The following KCNQ5 variants were observed in gnomAD, a reference collection of about 807,000 sequenced individuals.
KCNQ5 encodes potassium voltage-gated channel subfamily Q member 5.
A neutral mutation model predicts 98.2 loss-of-function variants in KCNQ5; 30 were observed. The ratio of observed to expected loss-of-function variants is 0.31; its 90% CI spans 0.23 to 0.41. The LOEUF is 0.41. Ranked by LOEUF, KCNQ5 falls within the 10% of genes least tolerant of loss-of-function variation. KCNQ5 has a pLI of 1.00. For missense variants in KCNQ5, 835 were observed against 1,182.5 expected (o/e 0.71, Z 4.31); for synonymous variants, 458 against 449.4 (o/e 1.02, Z -0.24).
chr6:72,712,522 C>T (rs1041428765), intron 1 of KCNQ5, among the ~76,000 whole-genome samples: 25 of 152,068 alleles, frequency 1.6e-4, no homozygotes. Context: ...TAAGATTTAC[C>T]TCAGTTAATA....
chr6:72,691,895 T>C (rs949555099), intron 1 of KCNQ5, among the ~76,000 whole-genome samples: 3 of 152,226 alleles, frequency 2.0e-5, no homozygotes, highest in Non-Finnish European at 4.4e-5. Context: ...ATAAATATTT[T>C]GTGTCAGTAG....
At chr6:73,139,545 G>C (rs182851056) in intron 10 of KCNQ5, among the ~76,000 whole-genome samples, 31 of 152,146 alleles carry the variant, frequency 2.0e-4, no homozygotes, top group African/African-American at 7.5e-4. Context: ...TGTCATTTCT[G>C]TTCCTCTAAA....
At chr6:72,639,574 C>T (rs1180414058) in intron 1 of KCNQ5, among the ~76,000 whole-genome samples, 1 of 152,010 alleles carries the variant, frequency 6.6e-6, no homozygotes, top group African/African-American at 2.4e-5. Flanking sequence ...GATGGGGACT[C>T]CAGAAGAGAG....
At chr6:72,936,972 G>C (rs974179407) in intron 1 of KCNQ5, among the ~76,000 whole-genome samples, 2 of 152,104 alleles carry the variant, frequency 1.3e-5, no homozygotes, top group Non-Finnish European at 2.9e-5. Context: ...TTGCATAATT[G>C]AGATAGAACT....
rs577716517 is a variant in KCNQ5 at position 73,054,312 on chromosome 6, AGAG to A, written c.616+12258_616+12260del. ...TCCTACTGAAACTATTCCAAAAAACAGAGGAGGAGGGACTCCTCCCTAACTATG... is the reference window on the plus strand; with the variant it reads ...TCCTACTGAAACTATTCCAAAAAACAGAGGAGGGACTCCTCCCTAACTATG... On this transcript the variant is annotated intron_variant, in intron 3 of 13. Transcript: ENST00000370398. Among the ~76,000 whole-genome samples, 719 of 152,342 alleles carry A rather than the reference AGAG, an allele frequency of 4.7e-3. 4 individuals are homozygous for A. Among genetic ancestry groups the A allele is most frequent in the Non-Finnish European group, 8.3e-3 (568 of 68,026 alleles).
intron 1 of KCNQ5, among the ~76,000 whole-genome samples, chr6:72,645,963 G>C (rs923284604): frequency 6.6e-6 from 1 of 152,004 alleles, no homozygotes; most frequent in Admixed American, 6.6e-5. Context: ...CTTCCCCCCA[G>C]GTACTTCATG....
intron 2 of KCNQ5, among the ~76,000 whole-genome samples, chr6:73,011,446 T>A (rs1770057578): frequency 6.6e-6 from 1 of 152,112 alleles, no homozygotes; most frequent in Non-Finnish European, 1.5e-5. Context: ...AGAATGAAGC[T>A]GGACCCTTAC....
rs991966248 is a variant in KCNQ5 at position 73,196,031 on chromosome 6, T to C, written c.*617T>C. 1 of 153,066 alleles carries C rather than the reference T, an allele frequency of 6.5e-6. No homozygotes were observed. The highest frequency in any genetic ancestry group is 1.5e-5 in the Non-Finnish European group (1 of 68,430). 9.5% of individuals were successfully genotyped at this position (153,066 alleles called of 1,614,324 possible). ...GCAATTTTGCACATCATTTTCATGT[T>C]GTTCTTTATGACAAGAATGTTCTTC... On this transcript the variant is annotated 3_prime_UTR_variant, in exon 14 of 14. Transcript: ENST00000370398.
chr6:72,815,869 A>T (rs983381260), intron 1 of KCNQ5, among the ~76,000 whole-genome samples: 11 of 152,188 alleles, frequency 7.2e-5, no homozygotes, highest in African/African-American at 2.7e-4. Flanking sequence ...GAAAGATGAC[A>T]AGTTTAACTT....
intron 3 of KCNQ5, among the ~76,000 whole-genome samples, chr6:73,044,578 TA>T (rs1771877420): frequency 6.6e-6 from 1 of 152,184 alleles, no homozygotes; most frequent in Non-Finnish European, 1.5e-5. Flanking sequence ...CAGTAAAATT[TA>T]ACCTACACAA....
chr6:72,994,850 T>C (rs969465578), intron 1 of KCNQ5, among the ~76,000 whole-genome samples: 1 of 152,204 alleles, frequency 6.6e-6, no homozygotes, highest in African/African-American at 2.4e-5. Context: ...TGAAGAACTT[T>C]CATTAATAGT....
chr6:72,678,251 A>G (rs1415307217), intron 1 of KCNQ5: 1 of 152,232 alleles, frequency 6.6e-6, no homozygotes. Flanking sequence ...TGATGATAAT[A>G]ATAATGCTTT....
At position 73,098,349 on chromosome 6, in the gene KCNQ5, A is replaced by T. The variant is rs566209898; in HGVS notation, c.919-6908A>T. Among the ~76,000 whole-genome samples, 6 of 152,314 alleles carry T rather than the reference A, an allele frequency of 3.9e-5. No homozygotes were observed. The South Asian group carries it at 1.2e-3, about 32-fold the overall frequency. On this transcript the variant is annotated intron_variant, in intron 5 of 13. Coordinates refer to ENST00000370398, the MANE Select transcript of KCNQ5 (RefSeq NM_019842.4). ...AAGTAGGGAGAGAGAGAGAAAGTTT[A>T]TTCAAAGGGATAATAACAGAACTTC...
chr6:72,799,571 A>G (rs1774526428), intron 1 of KCNQ5, among the ~76,000 whole-genome samples: 1 of 152,220 alleles, frequency 6.6e-6, no homozygotes, highest in Non-Finnish European at 1.5e-5. Context: ...TAGGTTGTAT[A>G]CCATTTCAAC....
chr6:72,986,835 A>C, intron 1 of KCNQ5: 1 of 1,085,888 alleles, frequency 9.2e-7, no homozygotes, highest in Non-Finnish European at 1.4e-6. Flanking sequence ...GGGGCCCAGG[A>C]CCCCACAGCC....
At chr6:72,630,870 T>C (rs954921782) in intron 1 of KCNQ5, among the ~76,000 whole-genome samples, 2 of 152,160 alleles carry the variant, frequency 1.3e-5, no homozygotes, top group Admixed American at 1.3e-4. Context: ...AATAATGTCA[T>C]TGGATTTCCA....
intron 7 of KCNQ5, among the ~76,000 whole-genome samples, chr6:73,118,134 C>T (rs772161179): frequency 2.6e-5 from 4 of 152,200 alleles, no homozygotes; most frequent in Non-Finnish European, 4.4e-5. Context: ...AGCACACCTG[C>T]ATAACCAGCA....
At chr6:72,822,495 A>T (rs1334891237) in intron 1 of KCNQ5, among the ~76,000 whole-genome samples, 1 of 152,194 alleles carries the variant, frequency 6.6e-6, no homozygotes, top group Non-Finnish European at 1.5e-5. Flanking sequence ...GTTAGCAGGG[A>T]CTAAAAACCA....
intron 1 of KCNQ5, among the ~76,000 whole-genome samples, chr6:72,736,986 T>G (rs1770883502): frequency 6.6e-6 from 1 of 151,702 alleles, no homozygotes; most frequent in South Asian, 2.1e-4. Flanking sequence ...AGATGGAGTC[T>G]CACTCACTGC....
Sources: allele counts gnomAD v4.1 joint callset (sites outside exome capture counted in the v4.1 genomes callset), GRCh38; gene constraint gnomAD v4.1.1; transcripts MANE v1.5; gene names NCBI Gene and HGNC (gene_info 2026-07-23, HGNC 2026-07-21).